Variants in DIPK1A observed in about 807,000 individuals in gnomAD.
DIPK1A encodes the protein family with sequence similarity 69 member A.
DIPK1A carries 27 observed loss-of-function variants against 40.8 expected under a neutral mutation model. The observed-to-expected ratio is 0.66, with a 90% CI of 0.49 to 0.91. The LOEUF (loss-of-function observed/expected upper bound fraction) is 0.91. Among genes scored for constraint, DIPK1A ranks in the 40% least tolerant of loss-of-function variants. DIPK1A has a pLI of 0.00. For synonymous variants in DIPK1A, 166 were observed against 171.3 expected (o/e 0.97, Z 0.24); for missense variants, 412 against 505.7 (o/e 0.81, Z 1.78).
At chr1:92,899,012 C>T (rs992193483) in intron 1 of DIPK1A, among the ~76,000 whole-genome samples, 1 of 152,158 alleles carries the variant, frequency 6.6e-6, no homozygotes, top group Non-Finnish European at 1.5e-5. Context: ...CAAATATCCT[C>T]CCATGTCAGC....
chr1:92,946,480 G>A (rs117548455), intron 1 of DIPK1A, among the ~76,000 whole-genome samples: 16 of 152,066 alleles, frequency 1.1e-4, no homozygotes, highest in East Asian at 3.9e-4. Context: ...TGTCAAAAGC[G>A]GATAAAATAA....
Position 92,842,309 on chromosome 1 carries a change from T to G in DIPK1A, c.*1074A>C. On this transcript the variant is annotated 3_prime_UTR_variant, in exon 5 of 5. Transcript: ENST00000370310. Reference sequence around the variant, plus strand: ...GATGGTCACATAGATTTTTAACATGTTCCACTTTAGGTAGGCGAAACCTTT... The same window carrying G: ...GATGGTCACATAGATTTTTAACATGGTCCACTTTAGGTAGGCGAAACCTTT... 1.0e-6 allele frequency: 1 copy of G among 986,370 alleles called. No individual in the cohort carries two copies. The highest frequency in any genetic ancestry group is 1.2e-6 in the Non-Finnish European group (1 of 830,574). 61.1% of individuals were successfully genotyped at this position (986,370 alleles called of 1,614,324 possible). A position where few individuals can be genotyped will look rare whatever the true frequency, so the allele number is the denominator to read the frequency against.
chr1:92,893,439 G>A (rs1376266812), intron 1 of DIPK1A, among the ~76,000 whole-genome samples: 1 of 151,604 alleles, frequency 6.6e-6, no homozygotes, highest in Admixed American at 6.6e-5. Flanking sequence ...ATCCTTTACA[G>A]ACAAGCAAAT....
intron 2 of DIPK1A, among the ~76,000 whole-genome samples, chr1:92,868,981 T>C (rs1332854925): frequency 2.1e-5 from 2 of 94,944 alleles, no homozygotes; most frequent in Non-Finnish European, 4.4e-5. Flanking sequence ...AAAAAAAAGC[T>C]CCTAAGGCAT....
intron 4 of DIPK1A, chr1:92,845,555 A>G: frequency 2.7e-6 from 1 of 372,390 alleles, no homozygotes; most frequent in Non-Finnish European, 5.2e-6. Flanking sequence ...AAAAAAAAAA[A>G]ATGCTGGATG....
chr1:92,863,704 T>C (rs1376829110), intron 2 of DIPK1A, among the ~76,000 whole-genome samples: 1 of 151,978 alleles, frequency 6.6e-6, no homozygotes, highest in Non-Finnish European at 1.5e-5. Flanking sequence ...CTTAAGTTGG[T>C]ATAAAGGGAA....
At position 92,916,595 on chromosome 1, in the gene DIPK1A, C is replaced by T. The variant is rs190880519; in HGVS notation, c.55-40165G>A. Among the ~76,000 whole-genome samples, 458 of 152,268 alleles carry T rather than the reference C, an allele frequency of 3.0e-3. 3 individuals are homozygous for T. The highest frequency in any genetic ancestry group is 0.01 in the African/African-American group (426 of 41,546). On this transcript the variant is annotated intron_variant, in intron 1 of 4. Transcript: ENST00000370310. ...GGGATTACAGGCATGAGCCACTGCA[C>T]CCGGCCAATCCATCTTTTGTAATAT...
At chr1:92,908,754 A>G (rs1048738724) in intron 1 of DIPK1A, among the ~76,000 whole-genome samples, 13 of 152,296 alleles carry the variant, frequency 8.5e-5, no homozygotes, top group African/African-American at 2.6e-4. Context: ...AAATAGCACA[A>G]AGGTTCCTGA....
At chr1:92,838,003 T>C (rs1341124866), downstream of DIPK1A, among the ~76,000 whole-genome samples, 1 of 152,236 alleles carries the variant, frequency 6.6e-6, no homozygotes, top group Non-Finnish European at 1.5e-5. Context: ...ATCTCAGACA[T>C]GTACACAGGA....
intron 1 of DIPK1A, among the ~76,000 whole-genome samples, chr1:92,896,743 G>T (rs1169152039): frequency 2.6e-5 from 4 of 152,058 alleles, no homozygotes; most frequent in Admixed American, 1.3e-4. Context: ...GAAAATTTTT[G>T]CAATCTACTC....
chr1:92,917,091 A>C (rs966386621), intron 1 of DIPK1A, among the ~76,000 whole-genome samples: 3 of 152,180 alleles, frequency 2.0e-5, no homozygotes, highest in Non-Finnish European at 4.4e-5. Flanking sequence ...CAATGTTGTT[A>C]ACATAGTTTT....
chr1:92,870,880 C>A (rs1163920923), intron 2 of DIPK1A, among the ~76,000 whole-genome samples: 1 of 152,208 alleles, frequency 6.6e-6, no homozygotes, highest in Non-Finnish European at 1.5e-5. Context: ...GTCATCCCAG[C>A]TCCAGAATTC....
chr1:92,907,245 A>G (rs927968597), intron 1 of DIPK1A, among the ~76,000 whole-genome samples: 2 of 152,278 alleles, frequency 1.3e-5, no homozygotes, highest in South Asian at 4.1e-4. Flanking sequence ...CCCCACTTGA[A>G]TACTACCAAT....
intron 1 of DIPK1A, among the ~76,000 whole-genome samples, chr1:92,908,644 C>T (rs1649716959): frequency 6.6e-6 from 1 of 152,122 alleles, no homozygotes; most frequent in Non-Finnish European, 1.5e-5. Flanking sequence ...AAGGGGAGGA[C>T]AGACATAGAG....
intron 1 of DIPK1A, among the ~76,000 whole-genome samples, chr1:92,930,518 T>C (rs967094095): frequency 6.6e-6 from 1 of 152,202 alleles, no homozygotes; most frequent in Non-Finnish European, 1.5e-5. Flanking sequence ...ATTAACTAAA[T>C]CCACCATCAG....
rs1557502636 is a variant in DIPK1A at position 92,959,902 on chromosome 1, A to ATTTTTT, written c.54+1473_54+1474insAAAAAA. Among the ~76,000 whole-genome samples the ATTTTTT allele has an allele frequency of 6.9e-3, 298 of 43,070 alleles. 8 individuals carry two copies. Among genetic ancestry groups the ATTTTTT allele is most frequent in the Middle Eastern group, 0.013 (1 of 78 alleles). The allele number at this position is 43,070 out of a possible 152,430, so 28.3% of individuals were successfully genotyped here. ...AGCTGGGACCACAGGCACCCAACCAACTTTTTTTTTTTTTTTTTTTTTTTT... is the reference window on the plus strand; with the variant it reads ...AGCTGGGACCACAGGCACCCAACCAATTTTTTCTTTTTTTTTTTTTTTTTTTTTTTT... On this transcript the variant is annotated intron_variant, in intron 1 of 4. Transcript: ENST00000370310.
At chr1:92,899,140 G>T (rs906504034) in intron 1 of DIPK1A, among the ~76,000 whole-genome samples, 1 of 152,160 alleles carries the variant, frequency 6.6e-6, no homozygotes, top group Admixed American at 6.5e-5. Flanking sequence ...TGAGTGTGGA[G>T]TGCTGAAACC....
intron 1 of DIPK1A, among the ~76,000 whole-genome samples, chr1:92,915,767 A>G (rs1650029697): frequency 6.6e-6 from 1 of 152,210 alleles, no homozygotes; most frequent in Admixed American, 6.5e-5. Flanking sequence ...TTTCATTCTT[A>G]AGTATATACT....
At chr1:92,930,363 T>C (rs548951764) in intron 1 of DIPK1A, among the ~76,000 whole-genome samples, 1 of 152,338 alleles carries the variant, frequency 6.6e-6, no homozygotes, top group East Asian at 1.9e-4. Context: ...GTTTGAGTTT[T>C]CTTGTCATTT....
Sources: allele counts gnomAD v4.1 joint callset (sites outside exome capture counted in the v4.1 genomes callset), GRCh38; gene constraint gnomAD v4.1.1; transcripts MANE v1.5; gene names NCBI Gene and HGNC (gene_info 2026-07-23, HGNC 2026-07-21).